Variants in ERAP2 observed in about 807,000 individuals in gnomAD.
ERAP2 encodes the protein endoplasmic reticulum aminopeptidase 2.
A neutral mutation model predicts 111.1 loss-of-function variants in ERAP2; 118 were observed. That is an observed-to-expected ratio of 1.06 (90% CI 0.92 to 1.24). ERAP2 has a LOEUF of 1.24. ERAP2 is among the 50% of genes most tolerant of loss of function. The probability of loss-of-function intolerance (pLI) is 0.00; values close to 1 mark genes in which losing one functional copy is unlikely to be tolerated. For synonymous variants in ERAP2, 410 were observed against 401.2 expected (o/e 1.02, Z -0.26); for missense variants, 1,131 against 1,125.8 (o/e 1.00, Z -0.07).
At chr5:96,878,463 A>C (rs1782788651) in intron 1 of ERAP2, among the ~76,000 whole-genome samples, 1 of 152,126 alleles carries the variant, frequency 6.6e-6, no homozygotes, top group African/African-American at 2.4e-5. Flanking sequence ...ATTCTTTGTG[A>C]CTTATGAAGA....
rs374222647 is a variant in ERAP2 at position 96,892,471 on chromosome 5, C to T, written c.1125+18C>T. 17 of 1,613,100 alleles carry T rather than the reference C, an allele frequency of 1.1e-5. No homozygotes were observed. Among genetic ancestry groups the T allele is most frequent in the Non-Finnish European group, 1.4e-5 (17 of 1,179,452 alleles). On this transcript the variant is annotated intron_variant, in intron 6 of 18. Transcript: ENST00000437043. ...CGCACCAGGTACTTGGCACTCATGA[C>T]ATTATCTCGATATCAGTTCAAAATA...
chr5:96,903,589 C>A (rs533092523), intron 13 of ERAP2, 29 bp downstream of exon 13: 2 of 1,563,148 alleles, frequency 1.3e-6, no homozygotes, highest in Non-Finnish European at 1.7e-6. Flanking sequence ...TGACTTCATG[C>A]AAAATAACTG....
At chr5:96,907,801 T>G (rs1257811775) in intron 13 of ERAP2, among the ~76,000 whole-genome samples, 2 of 152,010 alleles carry the variant, frequency 1.3e-5, no homozygotes. Context: ...GAGAATTGCT[T>G]GAACCCAGGA....
intron 13 of ERAP2, among the ~76,000 whole-genome samples, chr5:96,905,090 G>GT (rs1785903155): frequency 6.6e-6 from 1 of 152,142 alleles, no homozygotes; most frequent in Non-Finnish European, 1.5e-5. Flanking sequence ...AGATAAAGCA[G>GT]TAAGTGCAGT....
intron 12 of ERAP2, among the ~76,000 whole-genome samples, chr5:96,903,085 G>C (rs1785655637): frequency 6.6e-6 from 1 of 152,176 alleles, no homozygotes; most frequent in Admixed American, 6.5e-5. Context: ...CGTCATGCTA[G>C]TCATCTGGCT....
intron 13 of ERAP2, among the ~76,000 whole-genome samples, 197 bp from the exon 14 acceptor site, chr5:96,908,764 G>T (rs1786377180): frequency 6.6e-6 from 1 of 152,132 alleles, no homozygotes; most frequent in Non-Finnish European, 1.5e-5. Flanking sequence ...TATAAAGAAG[G>T]CAATAGGTCC....
rs762394831 is a variant in ERAP2 at position 96,909,553 on chromosome 5, C to T, written c.2170-27C>T. 3.1e-6 allele frequency: 5 copies of T among 1,590,628 alleles called. No homozygotes were observed. In the Admixed American group the frequency reaches 8.3e-5, roughly 27 times the overall value. On this transcript the variant is annotated intron_variant, in intron 14 of 18. Coordinates refer to ENST00000437043, the MANE Select transcript of ERAP2 (RefSeq NM_022350.5). ...GTGTTAAGGACTAAATTTAGCCTCT[C>T]TGTTAACCATCTCATATTTTCTGCA...
At position 96,884,066 on chromosome 5, in the gene ERAP2, CT is replaced by C. The variant is rs1159728650; in HGVS notation, c.714+137del. ...TCTATCTATCTATCTATCTATCTAT[CT>C]ATCTATCTATCTATCATCATAATTT... On this transcript the variant is annotated intron_variant, in intron 3 of 18. Coordinates refer to ENST00000437043, the MANE Select transcript of ERAP2 (RefSeq NM_022350.5). The C allele has an allele frequency of 4.7e-6, 3 of 638,986 alleles. No individual in the cohort carries two copies. The African/African-American group carries it at 5.9e-5, about 13-fold the overall frequency. The allele number at this position is 638,986 out of a possible 1,614,324, so 39.6% of individuals were successfully genotyped here.
intron 4 of ERAP2, among the ~76,000 whole-genome samples, chr5:96,887,554 C>T (rs1237980900): frequency 6.6e-6 from 1 of 152,114 alleles, no homozygotes; most frequent in African/African-American, 2.4e-5. Flanking sequence ...CCTGCCTTGG[C>T]CTCCCAAAGT....
chr5:96,917,030 G>T (rs886179445), intron 18 of ERAP2, among the ~76,000 whole-genome samples: 1 of 152,190 alleles, frequency 6.6e-6, no homozygotes, highest in Admixed American at 6.5e-5. Context: ...ACCTTTTAGA[G>T]GTTGGCAGAG....
intron 5 of ERAP2, chr5:96,889,634 A>T (rs1784121580): frequency 1.6e-6 from 1 of 634,320 alleles, no homozygotes; most frequent in Admixed American, 2.4e-5. Context: ...AGATGGGGAG[A>T]AAAAGAAGGA....
rs1199302241 is a variant in ERAP2 at position 96,915,578 on chromosome 5, C to T, written c.2658-110C>T. ...GTAATTCACCGTATCTATTGTAATA[C>T]ACAAGCTTATCACATAGTTATTAAT... On this transcript the variant is annotated intron_variant, in intron 17 of 18. Coordinates refer to ENST00000437043, the MANE Select transcript of ERAP2 (RefSeq NM_022350.5). The T allele has an allele frequency of 7.9e-6, 4 of 508,486 alleles. No homozygotes were observed. The Admixed American group carries it at 1.2e-4, about 15-fold the overall frequency. The allele number at this position is 508,486 out of a possible 1,614,324, so 31.5% of individuals were successfully genotyped here. A position where few individuals can be genotyped will look rare whatever the true frequency, so the allele number is the denominator to read the frequency against.
intron 9 of ERAP2, among the ~76,000 whole-genome samples, chr5:96,899,005 C>T (rs1785160380): frequency 6.6e-6 from 1 of 152,054 alleles, no homozygotes; most frequent in African/African-American, 2.4e-5. Flanking sequence ...TGCATACTGG[C>T]AGTAGAGGGT....
At chr5:96,906,407 C>T (rs1309351925) in intron 13 of ERAP2, among the ~76,000 whole-genome samples, 3 of 152,098 alleles carry the variant, frequency 2.0e-5, no homozygotes, top group Non-Finnish European at 4.4e-5. Context: ...GCTGGGACTA[C>T]AGGCACACAC....
At position 96,883,825 on chromosome 5, in the gene ERAP2, G is replaced by A; in HGVS notation, c.609G>A (p.Gln203=). 6.2e-7 allele frequency: 1 copy of A among 1,613,158 alleles called. No individual in the cohort carries two copies. Among genetic ancestry groups the A allele is most frequent in the Non-Finnish European group, 8.5e-7 (1 of 1,179,704 alleles). ...ILAVTDFEPT[Q]ARMAFPCFDE... ...CAGTAACAGATTTTGAGCCAACCCAGGCACGCATGGCTTTCCCTTGCTTTG... is the reference window on the plus strand; with the variant it reads ...CAGTAACAGATTTTGAGCCAACCCAAGCACGCATGGCTTTCCCTTGCTTTG... The change falls in exon 3 of 19, where the codon CAG becomes CAA. Residue 203 remains glutamine (Q), a synonymous_variant. Transcript: ENST00000437043.
At chr5:96,884,072 A>G (rs973388847) in intron 3 of ERAP2, 142 bp downstream of exon 3, 1 of 556,296 alleles carries the variant, frequency 1.8e-6, no homozygotes, top group South Asian at 3.0e-5. Context: ...CTATCTATCT[A>G]TCTATCTATC....
intron 2 of ERAP2, among the ~76,000 whole-genome samples, chr5:96,882,342 G>T (rs1170734988): frequency 6.6e-6 from 1 of 152,192 alleles, no homozygotes; most frequent in Non-Finnish European, 1.5e-5. Context: ...GAGTAAAGCT[G>T]TAGGACTTTC....
intron 18 of ERAP2, among the ~76,000 whole-genome samples, chr5:96,917,218 C>T (rs958694847): frequency 4.9e-5 from 7 of 143,734 alleles, no homozygotes; most frequent in Non-Finnish European, 9.3e-5. Context: ...GCAATCCTCC[C>T]GCCTCAGCCT....
intron 4 of ERAP2, 121 bp from the exon 5 acceptor site, chr5:96,889,064 A>C (rs1260795179): frequency 8.4e-7 from 1 of 1,186,256 alleles, no homozygotes; most frequent in Non-Finnish European, 1.2e-6. Flanking sequence ...AACATGCTTA[A>C]TGGTATCTTA....
Sources: gnomAD v4.1 joint callset for allele counts (sites outside exome capture counted in the v4.1 genomes callset) on GRCh38, gnomAD v4.1.1 for gene constraint, MANE v1.5 for transcripts, NCBI Gene and HGNC (gene_info 2026-07-23, HGNC 2026-07-21) for gene names.